Variants in TNFSF8 observed in about 807,000 individuals in gnomAD.
TNFSF8 encodes TNF superfamily member 8.
Under a neutral mutation model 22.0 loss-of-function variants are expected in TNFSF8, and 4 were observed. The ratio of observed to expected loss-of-function variants is 0.18; its 90% CI spans 0.09 to 0.42. The LOEUF is 0.42. Ranked by LOEUF, TNFSF8 falls within the 10% of genes least tolerant of loss-of-function variation. The pLI, the probability that TNFSF8 is intolerant of heterozygous loss-of-function variation, is 1.00. For synonymous variants in TNFSF8, 106 were observed against 112.5 expected (o/e 0.94, Z 0.37); for missense variants, 233 against 281.8 (o/e 0.83, Z 1.24).
exon 5 of TNFSF8, chr9:114,893,903 C>A: frequency 1.8e-6 from 1 of 569,770 alleles, no homozygotes; most frequent in Non-Finnish European, 3.1e-6. Context: ...TATTGGGCCA[C>A]GATTCCAAAT....
At chr9:114,915,262 T>C (rs1827904745) in intron 2 of TNFSF8, among the ~76,000 whole-genome samples, 1 of 152,228 alleles carries the variant, frequency 6.6e-6, no homozygotes, top group East Asian at 1.9e-4. Flanking sequence ...GTTAGGTTTT[T>C]TTTCTTCTAT....
intron 1 of TNFSF8, among the ~76,000 whole-genome samples, chr9:114,923,522 C>CTTTCTTTCTTTCTTTCTTTCTTTTT (rs758823996): frequency 1.1e-5 from 1 of 89,770 alleles, no homozygotes; most frequent in Non-Finnish European, 2.1e-5. Context: ...TTCTTTCTTT[C>CTTTCTTTCTTTCTTTCTTTCTTTTT]TTTTTTTTTT....
rs1236922813 is a variant in TNFSF8, at chr9:114,903,020, C to G, written c.*911G>C. 1 of 152,606 alleles carries G rather than the reference C, an allele frequency of 6.6e-6. No individual in the cohort carries two copies. Among genetic ancestry groups the G allele is most frequent in the Admixed American group, 6.5e-5 (1 of 15,290 alleles). 9.5% of individuals were successfully genotyped at this position (152,606 alleles called of 1,614,324 possible). On this transcript the variant is annotated 3_prime_UTR_variant, in exon 4 of 4. Transcript: ENST00000223795. ...GCCTAGCAGACTGGATTCCCCACTTCTCTGTTGCTTCCTTCAGACAGACCA... is the reference window on the plus strand; with the variant it reads ...GCCTAGCAGACTGGATTCCCCACTTGTCTGTTGCTTCCTTCAGACAGACCA...
intron 1 of TNFSF8, among the ~76,000 whole-genome samples, chr9:114,919,644 G>T (rs1827963087): frequency 6.6e-6 from 1 of 152,148 alleles, no homozygotes; most frequent in African/African-American, 2.4e-5. Context: ...TAAAGACCTA[G>T]AGAGGTGTGA....
intron 1 of TNFSF8, among the ~76,000 whole-genome samples, chr9:114,923,536 G>C (rs1431301536): frequency 8.1e-5 from 1 of 12,338 alleles, no homozygotes; most frequent in Non-Finnish European, 1.9e-4. Flanking sequence ...TTTTTTTTTT[G>C]AGATGAAATC....
rs138485574 is a variant in TNFSF8, at chr9:114,904,081, G to T, written c.555C>A (p.His185Gln). ...AGAATTGAGAGAGATTCTGGTATAC[G>T]TGTTTCGTTTGCATTCCAGACTCAC... is the stretch of plus-strand genomic sequence containing the variant. ...TVCESGMQTKHVYQNLSQFLL... is the reference protein window; with the variant it reads ...TVCESGMQTKQVYQNLSQFLL... The change falls in exon 4 of 4, where the codon CAC (histidine) becomes CAA (glutamine). Residue 185 changes from histidine to glutamine, a missense_variant. Physicochemically the swap from His to Gln is conservative, Grantham distance 24. Transcript: ENST00000223795. 1.1e-5 allele frequency: 18 copies of T among 1,614,010 alleles called. No individual in the cohort carries two copies. Among genetic ancestry groups the T allele is most frequent in the Admixed American group, 1.7e-5 (1 of 60,010 alleles).
At chr9:114,917,524 C>T (rs1587937298) in intron 2 of TNFSF8, among the ~76,000 whole-genome samples, 1 of 152,144 alleles carries the variant, frequency 6.6e-6, no homozygotes, top group African/African-American at 2.4e-5. Context: ...GTAGAGACGA[C>T]GTGTTAATTA....
At chr9:114,908,499 TC>T (rs1259609455) in intron 2 of TNFSF8, among the ~76,000 whole-genome samples, 1 of 152,192 alleles carries the variant, frequency 6.6e-6, no homozygotes, top group African/African-American at 2.4e-5. Flanking sequence ...TACACTGTTC[TC>T]CTTACCCCTT....
chr9:114,897,871 G>C (rs1827672874), downstream of TNFSF8, among the ~76,000 whole-genome samples: 1 of 152,154 alleles, frequency 6.6e-6, no homozygotes, highest in Non-Finnish European at 1.5e-5. Flanking sequence ...ATAGTGACTG[G>C]AGCGTGGAAT....
chr9:114,893,697 G>T, exon 5 of TNFSF8: 1 of 181,290 alleles, frequency 5.5e-6, no homozygotes, highest in Non-Finnish European at 1.2e-5. Context: ...TACCAATAAT[G>T]GGCTGTTGCA....
intron 2 of TNFSF8, among the ~76,000 whole-genome samples, chr9:114,913,932 C>T (rs1374869633): frequency 2.0e-5 from 3 of 152,190 alleles, no homozygotes; most frequent in African/African-American, 7.2e-5. Context: ...CAAGAAAGAA[C>T]ACTGACTACA....
intron 3 of TNFSF8, 131 bp downstream of exon 3, chr9:114,905,697 A>C: frequency 1.3e-6 from 1 of 744,610 alleles, no homozygotes. Context: ...AATTTCCTGC[A>C]GACTAAACAG....
intron 2 of TNFSF8, among the ~76,000 whole-genome samples, chr9:114,906,268 T>C (rs778894025): frequency 2.0e-5 from 3 of 152,108 alleles, no homozygotes; most frequent in South Asian, 2.1e-4. Flanking sequence ...CTTTTACAGA[T>C]GGGAAAAAAA....
chr9:114,901,256 T>G lies in TNFSF8; in HGVS notation c.*2675A>C. 1.0e-6 allele frequency: 1 copy of G among 985,436 alleles called. No homozygotes were observed. The highest frequency in any genetic ancestry group is 1.2e-6 in the Non-Finnish European group (1 of 829,924). The allele number at this position is 985,436 out of a possible 1,614,324, so 61.0% of individuals were successfully genotyped here. On this transcript the variant is annotated 3_prime_UTR_variant, in exon 4 of 4. Transcript: ENST00000223795. Reference sequence around the variant, plus strand: ...TGGTTAACCCTCAAGAGTAACAGAATTTAGTTTTAAACTTCCTGGGTTGCC... The same window carrying G: ...TGGTTAACCCTCAAGAGTAACAGAAGTTAGTTTTAAACTTCCTGGGTTGCC...
chr9:114,902,149 T>C lies in TNFSF8; in HGVS notation c.*1782A>G, dbSNP rs1827725288. ...ATAAGATGTTCCTCCAAAGATGATG[T>C]ACAGATGCCAAGTTGGATATAGCTA... On this transcript the variant is annotated 3_prime_UTR_variant, in exon 4 of 4. Coordinates refer to ENST00000223795, the MANE Select transcript of TNFSF8 (RefSeq NM_001244.4). 1.0e-6 allele frequency: 1 copy of C among 985,296 alleles called. No individual in the cohort carries two copies. Among genetic ancestry groups the C allele is most frequent in the African/African-American group, 1.7e-5 (1 of 57,226 alleles). 61.0% of individuals were successfully genotyped at this position (985,296 alleles called of 1,614,324 possible). A position where few individuals can be genotyped will look rare whatever the true frequency, so the allele number is the denominator to read the frequency against.
chr9:114,916,313 CTT>C (rs1827918394), intron 2 of TNFSF8, among the ~76,000 whole-genome samples: 1 of 152,120 alleles, frequency 6.6e-6, no homozygotes. Flanking sequence ...CTGATGAAAA[CTT>C]TATCAACTTT....
intron 1 of TNFSF8, among the ~76,000 whole-genome samples, chr9:114,927,580 TG>T (rs987790220): frequency 6.6e-6 from 1 of 152,210 alleles, no homozygotes; most frequent in Non-Finnish European, 1.5e-5. Context: ...TAAACCTGTC[TG>T]GAAAAATATA....
chr9:114,919,750 C>G (rs1045384514), intron 1 of TNFSF8, among the ~76,000 whole-genome samples: 2 of 152,192 alleles, frequency 1.3e-5, no homozygotes, highest in Non-Finnish European at 1.5e-5. Flanking sequence ...TGTATGAACA[C>G]TAGGACCATC....
chr9:114,915,114 A>G (rs1330606280), intron 2 of TNFSF8, among the ~76,000 whole-genome samples: 1 of 152,044 alleles, frequency 6.6e-6, no homozygotes, highest in East Asian at 1.9e-4. Context: ...TCCCAAGAGT[A>G]CCTGAAAGAT....
Sources: allele counts gnomAD v4.1 joint callset (sites outside exome capture counted in the v4.1 genomes callset), GRCh38; gene constraint gnomAD v4.1.1; transcripts MANE v1.5; gene names NCBI Gene and HGNC (gene_info 2026-07-23, HGNC 2026-07-21).